The following PPP1R3F variants were observed in gnomAD, a reference collection of about 807,000 sequenced individuals.
PPP1R3F encodes the protein protein phosphatase 1, regulatory (inhibitor) subunit 3F.
In PPP1R3F, 29 loss-of-function variants were observed where a neutral mutation model predicts 24.2. The observed-to-expected ratio is 1.20, with a 90% CI of 0.89 to 1.63. PPP1R3F has a LOEUF of 1.63. PPP1R3F is among the 40% of genes most tolerant of loss of function. The pLI, the probability that PPP1R3F is intolerant of heterozygous loss-of-function variation, is 0.00. For synonymous variants in PPP1R3F, 363 were observed against 340.1 expected, an observed-to-expected ratio of 1.07 and a Z score of -0.74; for missense variants, 823 against 729.3, an observed-to-expected ratio of 1.13 and a Z score of -1.48.
intron 3 of PPP1R3F, among the ~76,000 whole-genome samples, chrX:49,282,319 C>T (rs1228590926): frequency 9.0e-6 from 1 of 111,594 alleles, no homozygotes; most frequent in African/African-American, 3.3e-5. Flanking sequence ...CATGCAAAAA[C>T]GCTCTTTGAG....
chrX:49,289,930 G>A (rs1250704172), downstream of PPP1R3F, among the ~76,000 whole-genome samples: 4 of 111,047 alleles, frequency 3.6e-5, no homozygotes, highest in South Asian at 3.8e-4. Context: ...TTAGCCGGGC[G>A]TGGTGGTGGG....
intron 3 of PPP1R3F, among the ~76,000 whole-genome samples, chrX:49,294,603 G>C (rs2066317737): frequency 1.8e-5 from 2 of 108,997 alleles, no homozygotes; most frequent in African/African-American, 6.6e-5. Flanking sequence ...AAAGCATTTA[G>C]TTTTTCTCTA....
At chrX:49,279,526 A>C (rs2066234574) in intron 1 of PPP1R3F, among the ~76,000 whole-genome samples, 1 of 111,927 alleles carries the variant, frequency 8.9e-6, no homozygotes, top group African/African-American at 3.3e-5. Flanking sequence ...TCTATTAAAA[A>C]TACAAAAATT....
At chrX:49,283,645 C>T (rs2066263070) in intron 3 of PPP1R3F, among the ~76,000 whole-genome samples, 1 of 111,327 alleles carries the variant, frequency 9.0e-6, no homozygotes, top group African/African-American at 3.3e-5. Context: ...TTAAAATCTC[C>T]CCCACTTTGT....
At position 49,270,719 on chromosome X, in the gene PPP1R3F, C is replaced by G; in HGVS notation, c.850C>G (p.Leu284Val). The G allele has an allele frequency of 8.3e-7, 1 of 1,207,314 alleles. No homozygotes were observed. The highest frequency in any genetic ancestry group is 1.1e-6 in the Non-Finnish European group (1 of 893,375). Residue 284 changes from leucine to valine, a missense_variant, in exon 1 of 4, where the codon CTG becomes GTG. Physicochemically the swap from Leu to Val is conservative, Grantham distance 32 (BLOSUM62 1). Transcript: ENST00000055335. ...ANNHGRNYTV[L>V]LRIAPAPTPT... ...CAACCACGGCCGCAACTACACAGTC[C>G]TGCTCCGGATCGCACCCGCTCCCAC... is the stretch of plus-strand genomic sequence containing the variant.
intron 3 of PPP1R3F, among the ~76,000 whole-genome samples, chrX:49,297,185 T>TTATA (rs1557122900): frequency 1.1e-5 from 1 of 94,043 alleles, no homozygotes; most frequent in Non-Finnish European, 2.1e-5. Context: ...CTTGCTTTAT[T>TTATA]TTTATTTATT....
At position 49,286,611 on chromosome X, in the gene PPP1R3F, G is replaced by A; in HGVS notation, c.1921G>A (p.Asp641Asn). Residue 641 changes from aspartate to asparagine, a missense_variant, in exon 4 of 4, where the codon GAT becomes AAT. Physicochemically the swap from Asp to Asn is conservative, Grantham distance 23 (BLOSUM62 1). Coordinates refer to ENST00000055335, the MANE Select transcript of PPP1R3F (RefSeq NM_033215.5). Reference protein sequence around the residue: ...VLGTEGQFIGDPEKGMGKDTS... With the variant: ...VLGTEGQFIGNPEKGMGKDTS... The stretch of plus-strand genomic sequence containing the variant: ...GGGTACAGAGGGTCAGTTCATTGGG[G>A]ATCCTGAGAAAGGGATGGGCAAGGA... 8 of 1,211,322 alleles carry A rather than the reference G, an allele frequency of 6.6e-6. No homozygotes were observed. Among genetic ancestry groups the A allele is most frequent in the Non-Finnish European group, 8.9e-6 (8 of 895,186 alleles).
chrX:49,271,300 GA>G (rs2066178766), intron 1 of PPP1R3F, among the ~76,000 whole-genome samples: 1 of 112,310 alleles, frequency 8.9e-6, no homozygotes, highest in African/African-American at 3.2e-5. Flanking sequence ...TGATGATAAA[GA>G]AGAGTTATGC....
rs1207211381 is a variant in PPP1R3F, at chrX:49,270,588, C to G, written c.719C>G (p.Thr240Ser). Residue 240 changes from threonine to serine, a missense_variant, in exon 1 of 4, where the codon ACC becomes AGC. Thr to Ser is a moderately conservative substitution (Grantham distance 58). Transcript: ENST00000055335. ...TCCTCGCCCGACGACGGCGGCCGCA[C>G]CGACCGCTTTGCCTTCCAGCTGCCC... ...SASSPDDGGR[T>S]DRFAFQLPFA... 2 of 1,203,623 alleles carry G rather than the reference C, an allele frequency of 1.7e-6. No individual in the cohort carries two copies. The highest frequency in any genetic ancestry group is 2.2e-6 in the Non-Finnish European group (2 of 894,129).
chrX:49,297,033 G>A (rs1173129517), intron 3 of PPP1R3F, among the ~76,000 whole-genome samples: 4 of 110,080 alleles, frequency 3.6e-5, no homozygotes, highest in African/African-American at 9.9e-5. Context: ...TATTAGGCCC[G>A]CTTGGTCCAG....
At chrX:49,297,828 CTTTTTTTTTT>C (rs61353822) in intron 3 of PPP1R3F, among the ~76,000 whole-genome samples, 5 of 19,617 alleles carry the variant, frequency 2.5e-4, no homozygotes, top group African/African-American at 1.2e-3. Flanking sequence ...GCAACCCCTG[CTTTTTTTTTT>C]TTTTTTTTTT....
intron 1 of PPP1R3F, among the ~76,000 whole-genome samples, chrX:49,280,121 G>A (rs1390781169): frequency 8.9e-6 from 1 of 111,831 alleles, no homozygotes; most frequent in Non-Finnish European, 1.9e-5. Context: ...CTGATACGGG[G>A]ACGAGAGGGT....
In PPP1R3F at chrX:49,287,552, A is replaced by T. The variant is rs2066295116; in HGVS notation, c.*462A>T. ...TGTAGTGTTCTCCTGTTTGGGCATG[A>T]GTGTGCAGGGTGGTCACTTTCTGTG... On this transcript the variant is annotated 3_prime_UTR_variant, in exon 4 of 4. Coordinates refer to ENST00000055335, the MANE Select transcript of PPP1R3F (RefSeq NM_033215.5). 8.6e-6 allele frequency: 1 copy of T among 116,601 alleles called. No homozygotes were observed. The highest frequency in any genetic ancestry group is 8.7e-5 in the Admixed American group (1 of 11,474). The allele number at this position is 116,601 out of a possible 1,213,427, so 9.6% of individuals were successfully genotyped here.
chrX:49,284,419 T>C (rs1470575714), intron 3 of PPP1R3F, among the ~76,000 whole-genome samples: 4 of 109,643 alleles, frequency 3.6e-5, no homozygotes, highest in African/African-American at 1.3e-4. Context: ...TTCCTTTCCT[T>C]TGTCTCTCTC....
rs2066294262 is a variant in PPP1R3F at position 49,287,409 on chromosome X, T to G, written c.*319T>G. On this transcript the variant is annotated 3_prime_UTR_variant, in exon 4 of 4. Transcript: ENST00000055335. ...GTCTTGGGGCACAATTACCCAGAGA[T>G]ATATTTATTAACAGCCAACCTGTGC... 3.9e-6 allele frequency: 1 copy of G among 254,675 alleles called. No individual in the cohort carries two copies. Among genetic ancestry groups the G allele is most frequent in the African/African-American group, 2.9e-5 (1 of 35,033 alleles). 21.0% of individuals were successfully genotyped at this position (254,675 alleles called of 1,213,427 possible). A position where few individuals can be genotyped will look rare whatever the true frequency, so the allele number is the denominator to read the frequency against.
At chrX:49,275,937 C>CT (rs2066210169) in intron 1 of PPP1R3F, among the ~76,000 whole-genome samples, 1 of 112,554 alleles carries the variant, frequency 8.9e-6, no homozygotes, top group Non-Finnish European at 1.9e-5. Context: ...AACCTGCTAT[C>CT]TGAGTTGGCA....
At chrX:49,289,935 G>C (rs1041193013), downstream of PPP1R3F, among the ~76,000 whole-genome samples, 2 of 111,050 alleles carry the variant, frequency 1.8e-5, no homozygotes, top group African/African-American at 6.6e-5. Flanking sequence ...CGGGCGTGGT[G>C]GTGGGCGCCT....
chrX:49,292,176 G>A (rs898162047), downstream of PPP1R3F, among the ~76,000 whole-genome samples: 1 of 111,337 alleles, frequency 9.0e-6, no homozygotes, highest in Non-Finnish European at 1.9e-5. Context: ...GCTCCAGGCT[G>A]GGTGTCCCTT....
intron 1 of PPP1R3F, among the ~76,000 whole-genome samples, chrX:49,276,290 A>G (rs1241941559): frequency 8.9e-6 from 1 of 112,443 alleles, no homozygotes; most frequent in African/African-American, 3.2e-5. Context: ...TAAGTGCTTT[A>G]TAGGTACTTT....
Sources: gnomAD v4.1 joint callset for allele counts (sites outside exome capture counted in the v4.1 genomes callset) on GRCh38, gnomAD v4.1.1 for gene constraint, MANE v1.5 for transcripts, NCBI Gene and HGNC (gene_info 2026-07-23, HGNC 2026-07-21) for gene names.